Variants in FARS2 observed in about 807,000 individuals in gnomAD.
FARS2 encodes phenylalanine--tRNA ligase, mitochondrial.
Under a neutral mutation model 46.4 loss-of-function variants are expected in FARS2, and 40 were observed. The observed-to-expected ratio is 0.86, with a 90% CI of 0.67 to 1.12. FARS2 has a LOEUF of 1.12. FARS2 is among the 50% of genes most tolerant of loss of function. The pLI, the probability that FARS2 is intolerant of heterozygous loss-of-function variation, is 0.00. For synonymous variants in FARS2, 234 were observed against 214.9 expected (o/e 1.09, Z -0.78); for missense variants, 513 against 567.9 (o/e 0.90, Z 0.98).
chr6:5,717,908 C>CTCTATA (rs748122253), intron 6 of FARS2, among the ~76,000 whole-genome samples: 1 of 77,724 alleles, frequency 1.3e-5, no homozygotes, highest in East Asian at 2.4e-4. Context: ...AAGGTATCAG[C>CTCTATA]TATATATATA....
chr6:5,424,436 A>C (rs1373182451), intron 3 of FARS2, among the ~76,000 whole-genome samples: 1 of 152,196 alleles, frequency 6.6e-6, no homozygotes, highest in Non-Finnish European at 1.5e-5. Flanking sequence ...CACATGCAGG[A>C]ATCTTTGGTA....
intron 2 of FARS2, among the ~76,000 whole-genome samples, chr6:5,389,989 C>T (rs1373477230): frequency 6.6e-6 from 1 of 152,086 alleles, no homozygotes; most frequent in Non-Finnish European, 1.5e-5. Flanking sequence ...CTCAGCCCTC[C>T]GAGTAGCTAG....
intron 1 of FARS2, among the ~76,000 whole-genome samples, chr6:5,335,981 C>A (rs1260342203): frequency 6.6e-6 from 1 of 152,078 alleles, no homozygotes; most frequent in Non-Finnish European, 1.5e-5. Context: ...TATTGTTAAG[C>A]CTGTGCTGAA....
chr6:5,574,121 A>G (rs547747185), intron 5 of FARS2, among the ~76,000 whole-genome samples: 4 of 152,206 alleles, frequency 2.6e-5, no homozygotes, highest in Admixed American at 2.6e-4. Flanking sequence ...TAAAATCACT[A>G]GGAGAGTCTT....
chr6:5,600,953 G>T (rs1309010848), intron 5 of FARS2, among the ~76,000 whole-genome samples: 3 of 152,136 alleles, frequency 2.0e-5, no homozygotes, highest in Non-Finnish European at 2.9e-5. Flanking sequence ...GGGGTAATTA[G>T]TTCATGAGGG....
intron 4 of FARS2, among the ~76,000 whole-genome samples, chr6:5,513,465 T>G (rs1303004883): frequency 6.6e-6 from 1 of 152,124 alleles, no homozygotes; most frequent in East Asian, 1.9e-4. Flanking sequence ...CCTGAAGAAG[T>G]GATATTTAGC....
intron 2 of FARS2, among the ~76,000 whole-genome samples, chr6:5,377,864 A>G (rs1335383168): frequency 2.0e-5 from 3 of 152,210 alleles, no homozygotes; most frequent in Non-Finnish European, 4.4e-5. Flanking sequence ...TTGGCAAAAT[A>G]AAGCATTGCC....
At chr6:5,536,686 A>G (rs1338562408) in intron 4 of FARS2, among the ~76,000 whole-genome samples, 4 of 152,216 alleles carry the variant, frequency 2.6e-5, no homozygotes, top group Non-Finnish European at 5.9e-5. Context: ...GGTGTAAATT[A>G]TGTTCTCAAG....
At chr6:5,611,630 A>G (rs1775191989) in intron 5 of FARS2, among the ~76,000 whole-genome samples, 1 of 152,222 alleles carries the variant, frequency 6.6e-6, no homozygotes, top group African/African-American at 2.4e-5. Context: ...TTTAGCTTGA[A>G]ATAGGCTTGC....
chr6:5,445,235 A>G (rs907027832), intron 4 of FARS2, among the ~76,000 whole-genome samples: 1 of 151,994 alleles, frequency 6.6e-6, no homozygotes, highest in African/African-American at 2.4e-5. Context: ...ATTGGATTTT[A>G]TTTAAACTAT....
At chr6:5,712,140 C>G (rs752319681) in intron 6 of FARS2, among the ~76,000 whole-genome samples, 9 of 152,148 alleles carry the variant, frequency 5.9e-5, no homozygotes, top group Non-Finnish European at 4.4e-5. Flanking sequence ...CAAGATGAAA[C>G]AAAATACACA....
intron 1 of FARS2, among the ~76,000 whole-genome samples, chr6:5,339,022 A>G (rs1309820030): frequency 6.6e-6 from 1 of 152,230 alleles, no homozygotes; most frequent in African/African-American, 2.4e-5. Flanking sequence ...TTGAAACTAA[A>G]GTTTATATTT....
chr6:5,310,300 T>C (rs1187239038), intron 1 of FARS2, among the ~76,000 whole-genome samples: 2 of 152,114 alleles, frequency 1.3e-5, no homozygotes, highest in Non-Finnish European at 2.9e-5. Flanking sequence ...CATGAGTAGA[T>C]TTATTAATAA....
intron 5 of FARS2, among the ~76,000 whole-genome samples, chr6:5,585,009 T>A (rs1425429296): frequency 6.6e-6 from 1 of 152,200 alleles, no homozygotes; most frequent in Non-Finnish European, 1.5e-5. Flanking sequence ...GTAATATCCT[T>A]CTTCCCATAT....
intron 1 of FARS2, among the ~76,000 whole-genome samples, chr6:5,317,936 G>A (rs529465155): frequency 6.6e-6 from 1 of 152,236 alleles, no homozygotes; most frequent in Admixed American, 6.5e-5. Flanking sequence ...GTAATTTTCA[G>A]GAAGTTGAGG....
intron 5 of FARS2, among the ~76,000 whole-genome samples, chr6:5,605,640 A>T (rs1486577517): frequency 6.6e-6 from 1 of 152,206 alleles, no homozygotes; most frequent in East Asian, 1.9e-4. Flanking sequence ...CTGCCCACCC[A>T]AATTCCATGC....
chr6:5,436,849 G>T (rs1763552417), intron 4 of FARS2, among the ~76,000 whole-genome samples: 1 of 152,162 alleles, frequency 6.6e-6, no homozygotes, highest in Non-Finnish European at 1.5e-5. Flanking sequence ...CTCACATTCA[G>T]ACCATACTTT....
intron 4 of FARS2, among the ~76,000 whole-genome samples, chr6:5,441,171 C>T (rs974305866): frequency 3.3e-5 from 5 of 152,238 alleles, no homozygotes; most frequent in Admixed American, 1.3e-4. Flanking sequence ...ATCTGCCTGC[C>T]TTGGCCTCCC....
At chr6:5,676,266 T>C (rs999222550) in intron 6 of FARS2, among the ~76,000 whole-genome samples, 1 of 152,240 alleles carries the variant, frequency 6.6e-6, no homozygotes, top group East Asian at 1.9e-4. Flanking sequence ...TTGTCTTTTA[T>C]AGATGATTTC....
Sources: allele counts gnomAD v4.1 joint callset (sites outside exome capture counted in the v4.1 genomes callset), GRCh38; gene constraint gnomAD v4.1.1; transcripts MANE v1.5; gene names NCBI Gene and HGNC (gene_info 2026-07-23, HGNC 2026-07-21).